Variants in SPAG16 observed in about 807,000 individuals in gnomAD.
SPAG16 encodes the protein sperm-associated antigen 16 protein.
In SPAG16, 86 loss-of-function variants were observed where a neutral mutation model predicts 80.4. The observed-to-expected ratio is 1.07, with a 90% CI of 0.90 to 1.28. SPAG16 has a LOEUF of 1.28. SPAG16 is among the 50% of genes most tolerant of loss of function. The probability of loss-of-function intolerance (pLI) is 0.00; values close to 1 mark genes in which losing one functional copy is unlikely to be tolerated. For synonymous variants in SPAG16, 294 were observed against 265.9 expected, an observed-to-expected ratio of 1.11 and a Z score of -1.03; for missense variants, 870 against 765.3, an observed-to-expected ratio of 1.14 and a Z score of -1.61.
intron 13 of SPAG16, among the ~76,000 whole-genome samples, chr2:214,016,409 C>G (rs1446849267): frequency 6.6e-6 from 1 of 152,160 alleles, no homozygotes; most frequent in African/African-American, 2.4e-5. Flanking sequence ...AAACTCACCC[C>G]TGATTCAGTT....
chr2:213,540,512 A>G (rs977992213), intron 10 of SPAG16, among the ~76,000 whole-genome samples: 1 of 152,198 alleles, frequency 6.6e-6, no homozygotes, highest in Non-Finnish European at 1.5e-5. Flanking sequence ...TGAAAATTTA[A>G]TATTACATTT....
At chr2:214,126,184 C>A (rs541113664) in intron 14 of SPAG16, among the ~76,000 whole-genome samples, 1 of 148,324 alleles carries the variant, frequency 6.7e-6, no homozygotes, top group Non-Finnish European at 1.5e-5. Flanking sequence ...CTAGGCTTTA[C>A]GGAGAAGGGA....
intron 7 of SPAG16, among the ~76,000 whole-genome samples, chr2:213,355,486 C>T (rs939704535): frequency 1.4e-4 from 21 of 152,130 alleles, no homozygotes; most frequent in Non-Finnish European, 2.8e-4. Context: ...TTGATTGTTC[C>T]TATCCGTGAG....
In SPAG16 at chr2:213,666,296, G is replaced by C. The variant is rs564514495; in HGVS notation, c.1070+176206G>C. Among the ~76,000 whole-genome samples the C allele has an allele frequency of 5.3e-5, 8 of 151,832 alleles. No individual in the cohort carries two copies. In the South Asian group the frequency reaches 1.7e-3, roughly 32 times the overall value. On this transcript the variant is annotated intron_variant, in intron 10 of 15. Transcript: ENST00000331683. ...AACTAATCATTGAATTTTCCCTCTTGGTCAATCATACAAAATTTAGAATTA... is the reference window on the plus strand; with the variant it reads ...AACTAATCATTGAATTTTCCCTCTTCGTCAATCATACAAAATTTAGAATTA...
At chr2:213,594,760 A>G (rs2060829448) in intron 10 of SPAG16, among the ~76,000 whole-genome samples, 1 of 152,200 alleles carries the variant, frequency 6.6e-6, no homozygotes, top group Non-Finnish European at 1.5e-5. Flanking sequence ...ACAGGAGACA[A>G]TTAACAGATG....
intron 10 of SPAG16, among the ~76,000 whole-genome samples, chr2:213,814,156 A>G (rs147867478): frequency 6.6e-6 from 1 of 152,258 alleles, no homozygotes; most frequent in East Asian, 1.9e-4. Flanking sequence ...ATTCAGGGAA[A>G]AGTTCATGTT....
At chr2:214,152,682 G>A (rs542031585) in intron 15 of SPAG16, among the ~76,000 whole-genome samples, 5 of 152,222 alleles carry the variant, frequency 3.3e-5, no homozygotes, top group South Asian at 2.1e-4. Context: ...TAGTGGCCCC[G>A]AATGTCTGGC....
intron 12 of SPAG16, among the ~76,000 whole-genome samples, chr2:214,012,033 A>G (rs1233196391): frequency 1.3e-5 from 2 of 151,616 alleles, no homozygotes; most frequent in Admixed American, 1.3e-4. Context: ...TCATTCACAC[A>G]AGAAGAAAAT....
intron 9 of SPAG16, among the ~76,000 whole-genome samples, chr2:213,481,495 A>G (rs1385750908): frequency 6.6e-6 from 1 of 152,214 alleles, no homozygotes; most frequent in African/African-American, 2.4e-5. Flanking sequence ...ACTTGAAACC[A>G]TTAGCAAAAT....
intron 12 of SPAG16, among the ~76,000 whole-genome samples, chr2:213,976,136 AC>A (rs2045375797): frequency 2.6e-4 from 10 of 37,972 alleles, no homozygotes; most frequent in African/African-American, 9.1e-4. Flanking sequence ...ATATATATAT[AC>A]ACACACACAC....
chr2:214,027,811 A>G (rs1296011249), intron 13 of SPAG16, among the ~76,000 whole-genome samples: 1 of 151,940 alleles, frequency 6.6e-6, no homozygotes, highest in African/African-American at 2.4e-5. Flanking sequence ...GATTTTGGAC[A>G]GTCTTTTTCA....
At chr2:213,802,659 A>C (rs896634269) in intron 10 of SPAG16, among the ~76,000 whole-genome samples, 4 of 152,188 alleles carry the variant, frequency 2.6e-5, no homozygotes, top group African/African-American at 7.2e-5. Context: ...ATTCCCTAAG[A>C]GGAATAACAT....
intron 9 of SPAG16, among the ~76,000 whole-genome samples, chr2:213,486,112 C>T (rs1326086231): frequency 1.3e-5 from 2 of 152,006 alleles, no homozygotes; most frequent in Non-Finnish European, 2.9e-5. Flanking sequence ...TTGAAATGTA[C>T]AATAGATTAT....
At chr2:213,305,854 T>G (rs1209996370) in intron 3 of SPAG16, among the ~76,000 whole-genome samples, 1 of 152,204 alleles carries the variant, frequency 6.6e-6, no homozygotes, top group Admixed American at 6.5e-5. Flanking sequence ...AATACTGGCC[T>G]CATAGAATGA....
chr2:213,774,846 C>T (rs1332234666), intron 10 of SPAG16, among the ~76,000 whole-genome samples: 1 of 152,146 alleles, frequency 6.6e-6, no homozygotes, highest in Non-Finnish European at 1.5e-5. Context: ...ATTCACTTCT[C>T]AGGCTTCAAA....
intron 15 of SPAG16, among the ~76,000 whole-genome samples, chr2:214,364,760 G>T (rs1576892364): frequency 6.6e-6 from 1 of 152,296 alleles, no homozygotes; most frequent in East Asian, 1.9e-4. Flanking sequence ...AGAATTCATG[G>T]CAAATAAGGG....
intron 13 of SPAG16, among the ~76,000 whole-genome samples, chr2:214,041,863 T>C (rs2049023787): frequency 6.7e-6 from 1 of 150,080 alleles, no homozygotes; most frequent in Admixed American, 6.7e-5. Context: ...AGGTGTTATT[T>C]AATCCAATTT....
At chr2:213,678,303 C>A (rs1187306936) in intron 10 of SPAG16, among the ~76,000 whole-genome samples, 1 of 151,658 alleles carries the variant, frequency 6.6e-6, no homozygotes, top group East Asian at 1.9e-4. Flanking sequence ...ACACAAAAAA[C>A]CCTTCAAAAA....
intron 15 of SPAG16, among the ~76,000 whole-genome samples, chr2:214,349,643 T>C (rs978069059): frequency 5.3e-5 from 8 of 152,242 alleles, no homozygotes; most frequent in Admixed American, 2.0e-4. Context: ...GTTTTAGTTT[T>C]ATAAGAAACT....
Sources: allele counts gnomAD v4.1 joint callset (sites outside exome capture counted in the v4.1 genomes callset), GRCh38; gene constraint gnomAD v4.1.1; transcripts MANE v1.5; gene names NCBI Gene and HGNC (gene_info 2026-07-23, HGNC 2026-07-21).